USH2A: variants seen among roughly 807,000 people sequenced by gnomAD.
USH2A encodes usherin.
In USH2A, 443 loss-of-function variants were observed where a neutral mutation model predicts 538.9. That is an observed-to-expected ratio of 0.82 (90% CI 0.76 to 0.89). The LOEUF is 0.89. USH2A is among the 40% of genes least tolerant of loss of function. USH2A has a pLI of 0.00. For missense variants in USH2A, 6,633 were observed against 6,324.8 expected, an observed-to-expected ratio of 1.05 and a Z score of -1.65; for synonymous variants, 2,413 against 2,273.5, an observed-to-expected ratio of 1.06 and a Z score of -1.75.
intron 62 of USH2A, 82 bp from the exon 63 acceptor site, chr1:215,675,698 C>A (rs543304386): frequency 1.6e-4 from 253 of 1,606,190 alleles, no homozygotes; most frequent in East Asian, 2.2e-5. Flanking sequence ...TTAACCTTCA[C>A]CCCCTTGTTC....
At chr1:216,328,527 G>T (rs953339703) in intron 4 of USH2A, among the ~76,000 whole-genome samples, 1 of 151,952 alleles carries the variant, frequency 6.6e-6, no homozygotes, top group Non-Finnish European at 1.5e-5. Context: ...TAAAATTGGA[G>T]CAATTTTAAT....
chr1:216,151,200 T>G (rs2033824723), intron 21 of USH2A, among the ~76,000 whole-genome samples: 1 of 152,156 alleles, frequency 6.6e-6, no homozygotes, highest in Non-Finnish European at 1.5e-5. Flanking sequence ...CTCTGACAGC[T>G]GCCGCCCTAG....
In USH2A at chr1:215,814,120, C is replaced by T. The variant is rs78673581; in HGVS notation, c.9571-216G>A. On this transcript the variant is annotated intron_variant, in intron 48 of 71. Transcript: ENST00000307340. ...AGCTTTTTTGAAGTCTTCAACCATGCTTTGTGCTCTATTATAATACTATAT... is the reference window on the plus strand; with the variant it reads ...AGCTTTTTTGAAGTCTTCAACCATGTTTTGTGCTCTATTATAATACTATAT... 0.023 allele frequency among the ~76,000 whole-genome samples: 3,427 copies of T among 149,034 alleles called. 146 individuals carry two copies. Among genetic ancestry groups the T allele is most frequent in the African/African-American group, 0.081 (3,297 of 40,902 alleles).
intron 11 of USH2A, among the ~76,000 whole-genome samples, chr1:216,288,572 T>G (rs1185396216): frequency 6.6e-6 from 1 of 152,140 alleles, no homozygotes; most frequent in East Asian, 1.9e-4. Flanking sequence ...CATAACAGAG[T>G]ATATAACTGT....
intron 49 of USH2A, among the ~76,000 whole-genome samples, chr1:215,808,495 C>T (rs1662566869): frequency 6.6e-6 from 1 of 151,936 alleles, no homozygotes; most frequent in Admixed American, 6.6e-5. Flanking sequence ...TGCACACTTC[C>T]ATGAATTTTA....
intron 47 of USH2A, among the ~76,000 whole-genome samples, chr1:215,825,482 T>A (rs1663126789): frequency 6.6e-6 from 1 of 152,228 alleles, no homozygotes; most frequent in African/African-American, 2.4e-5. Flanking sequence ...CAAATTTTTA[T>A]GAAGACAGGT....
intron 13 of USH2A, among the ~76,000 whole-genome samples, chr1:216,245,533 T>C (rs1034991793): frequency 6.6e-6 from 1 of 150,428 alleles, no homozygotes; most frequent in Non-Finnish European, 1.5e-5. Flanking sequence ...TGAATATGTA[T>C]CAGTGGAAGC....
At chr1:215,756,829 C>T (rs896926549) in intron 58 of USH2A, among the ~76,000 whole-genome samples, 1 of 152,028 alleles carries the variant, frequency 6.6e-6, no homozygotes, top group African/African-American at 2.4e-5. Flanking sequence ...GAGGCTGAGG[C>T]TTGAACCTGG....
At chr1:216,110,300 C>T (rs1220839639) in intron 21 of USH2A, among the ~76,000 whole-genome samples, 1 of 152,012 alleles carries the variant, frequency 6.6e-6, no homozygotes, top group East Asian at 1.9e-4. Flanking sequence ...TGAGTACAGC[C>T]TGGGCAAGAT....
intron 64 of USH2A, among the ~76,000 whole-genome samples, chr1:215,660,209 G>C (rs1477321513): frequency 6.6e-6 from 1 of 152,140 alleles, no homozygotes; most frequent in African/African-American, 2.4e-5. Flanking sequence ...ATTTTTCAAT[G>C]CTTCATGTTT....
intron 21 of USH2A, among the ~76,000 whole-genome samples, chr1:216,128,932 T>A (rs1009879408): frequency 6.6e-6 from 1 of 152,076 alleles, no homozygotes; most frequent in African/African-American, 2.4e-5. Flanking sequence ...CAGGCTCTGA[T>A]AACTATCATT....
intron 64 of USH2A, among the ~76,000 whole-genome samples, chr1:215,666,252 AAAC>A (rs1219343332): frequency 6.6e-6 from 1 of 152,076 alleles, no homozygotes; most frequent in African/African-American, 2.4e-5. Context: ...AAAGAAAATA[AAAC>A]AACAATAACA....
intron 38 of USH2A, among the ~76,000 whole-genome samples, chr1:215,915,067 C>T (rs755140290): frequency 1.3e-5 from 2 of 152,100 alleles, no homozygotes; most frequent in Non-Finnish European, 2.9e-5. Context: ...TGTATCATCA[C>T]ACTGAATCCT....
chr1:215,821,768 T>A (rs1313371665), intron 47 of USH2A, among the ~76,000 whole-genome samples: 1 of 151,878 alleles, frequency 6.6e-6, no homozygotes, highest in African/African-American at 2.4e-5. Flanking sequence ...ATTTAATCCA[T>A]TTTGAGTTGA....
chr1:216,142,974 C>T (rs772241026), intron 21 of USH2A, among the ~76,000 whole-genome samples: 24 of 152,270 alleles, frequency 1.6e-4, no homozygotes, highest in South Asian at 4.1e-4. Flanking sequence ...CACCTCTTTA[C>T]GCATCTGTAA....
rs539866672 is a variant in USH2A, at chr1:216,040,535, A to G, written c.6325+5896T>C. On this transcript the variant is annotated intron_variant, in intron 32 of 71. Transcript: ENST00000307340. ...TTGGAAACATCTTATAAACTTCTTA[A>G]AAACGGCCAGTTTCTGGTAGGGTGC... is the stretch of plus-strand genomic sequence containing the variant. Among the ~76,000 whole-genome samples the G allele has an allele frequency of 6.6e-5, 10 of 152,122 alleles. No individual in the cohort carries two copies. The South Asian group carries it at 2.1e-3, about 31-fold the overall frequency.
intron 37 of USH2A, among the ~76,000 whole-genome samples, chr1:215,948,802 T>G (rs1388407185): frequency 2.0e-5 from 3 of 152,130 alleles, no homozygotes; most frequent in African/African-American, 7.2e-5. Context: ...TGAAACATCT[T>G]ATATTTACTT....
intron 21 of USH2A, among the ~76,000 whole-genome samples, chr1:216,169,822 T>C (rs769769480): frequency 8.5e-5 from 13 of 152,172 alleles, no homozygotes; most frequent in Non-Finnish European, 1.8e-4. Flanking sequence ...ATTAAACTTC[T>C]AGGACACATA....
At chr1:216,309,207 T>C (rs1414682181) in intron 9 of USH2A, among the ~76,000 whole-genome samples, 1 of 152,150 alleles carries the variant, frequency 6.6e-6, no homozygotes, top group Non-Finnish European at 1.5e-5. Context: ...CACAGGACCA[T>C]AAAACAAGCA....
Sources: allele counts gnomAD v4.1 joint callset (sites outside exome capture counted in the v4.1 genomes callset), GRCh38; gene constraint gnomAD v4.1.1; transcripts MANE v1.5; gene names NCBI Gene and HGNC (gene_info 2026-07-23, HGNC 2026-07-21).